The following VTI1A variants were observed in gnomAD, a reference collection of about 807,000 sequenced individuals.
VTI1A encodes the protein vesicle transport through interaction with t-SNAREs 1A, also known as vesicle transport through interaction with t-SNAREs homolog 1A.
VTI1A carries 22 observed loss-of-function variants against 34.9 expected under a neutral mutation model. The observed-to-expected ratio is 0.63, with a 90% CI of 0.45 to 0.90. The LOEUF (loss-of-function observed/expected upper bound fraction) is 0.90, where lower values mean the gene tolerates loss of function less well. VTI1A is among the 40% of genes least tolerant of loss of function. The pLI is 0.00. For missense variants in VTI1A, 268 were observed against 275.6 expected (o/e 0.97, Z 0.20); for synonymous variants, 87 against 97.3 (o/e 0.89, Z 0.62).
chr10:112,602,434 G>A (rs1175411961), intron 5 of VTI1A, among the ~76,000 whole-genome samples: 2 of 152,278 alleles, frequency 1.3e-5, no homozygotes. Flanking sequence ...AATAATACTA[G>A]CTCAGAAAAT....
At chr10:112,467,038 C>G (rs937890696) in intron 3 of VTI1A, among the ~76,000 whole-genome samples, 1 of 152,166 alleles carries the variant, frequency 6.6e-6, no homozygotes, top group African/African-American at 2.4e-5. Context: ...TTTGAAGACC[C>G]TATCTCTGGA....
At chr10:112,779,371 C>T (rs980051024) in intron 7 of VTI1A, among the ~76,000 whole-genome samples, 11 of 152,146 alleles carry the variant, frequency 7.2e-5, no homozygotes, top group Admixed American at 3.9e-4. Flanking sequence ...TAAGAGGAGA[C>T]TAGATTTTGA....
At chr10:112,546,204 TACACACACAC>T (rs140142571) in intron 5 of VTI1A, among the ~76,000 whole-genome samples, 1 of 136,182 alleles carries the variant, frequency 7.3e-6, no homozygotes, top group Non-Finnish European at 1.6e-5. Flanking sequence ...TATATATGCA[TACACACACAC>T]ACACACACAC....
At chr10:112,606,356 G>A (rs1338773361) in intron 5 of VTI1A, among the ~76,000 whole-genome samples, 2 of 152,118 alleles carry the variant, frequency 1.3e-5, no homozygotes, top group East Asian at 3.9e-4. Context: ...ACTCTTACCA[G>A]CTTGAGCATC....
intron 1 of VTI1A, among the ~76,000 whole-genome samples, chr10:112,456,872 C>T (rs561997052): frequency 6.6e-6 from 1 of 152,320 alleles, no homozygotes; most frequent in South Asian, 2.1e-4. Flanking sequence ...CTGTAAGTTC[C>T]TATTTCCTTG....
At chr10:112,596,159 T>A in intron 5 of VTI1A, among the ~76,000 whole-genome samples, 1 of 146,236 alleles carries the variant, frequency 6.8e-6, no homozygotes, top group African/African-American at 2.6e-5. Flanking sequence ...CTGGGGACTG[T>A]TGTGGGGTGG....
intron 5 of VTI1A, among the ~76,000 whole-genome samples, chr10:112,601,137 G>A (rs1844860669): frequency 6.6e-6 from 1 of 152,086 alleles, no homozygotes; most frequent in Non-Finnish European, 1.5e-5. Flanking sequence ...GAGTGGGAGA[G>A]GTCATCTTTG....
chr10:112,475,475 A>G (rs1016826587), intron 3 of VTI1A, among the ~76,000 whole-genome samples: 1 of 152,204 alleles, frequency 6.6e-6, no homozygotes, highest in Non-Finnish European at 1.5e-5. Context: ...AATTATAGCT[A>G]TGTTACCATT....
rs77896651 is a variant in VTI1A, at chr10:112,698,933, G to A, written c.560+29935G>A. Reference sequence around the variant, plus strand: ...GTCCACCAGAGAAGAAAATCCTCGCGGAGATGACCACAGCTGTGGTCCTCC... The same window carrying A: ...GTCCACCAGAGAAGAAAATCCTCGCAGAGATGACCACAGCTGTGGTCCTCC... On this transcript the variant is annotated intron_variant, in intron 7 of 7. Transcript: ENST00000393077. 2.7e-3 allele frequency among the ~76,000 whole-genome samples: 413 copies of A among 152,204 alleles called. 2 individuals carry two copies. The highest frequency in any genetic ancestry group is 9.2e-3 in the African/African-American group (382 of 41,508).
At chr10:112,513,366 T>A (rs1849677534) in intron 3 of VTI1A, among the ~76,000 whole-genome samples, 1 of 152,222 alleles carries the variant, frequency 6.6e-6, no homozygotes, top group South Asian at 2.1e-4. Context: ...GAAACACTAT[T>A]GATTTTTGTA....
At chr10:112,828,540 G>GGACT in the VTI1A span, among the ~76,000 whole-genome samples, 1 of 151,758 alleles carries the variant, frequency 6.6e-6, no homozygotes, top group Non-Finnish European at 1.5e-5. Context: ...CAAGTAGCTG[G>GGACT]GACTACAGGC....
At chr10:112,852,216 A>G in the VTI1A span, among the ~76,000 whole-genome samples, 2 of 152,190 alleles carry the variant, frequency 1.3e-5, no homozygotes, top group East Asian at 3.8e-4. Context: ...TAGATAAAGT[A>G]TACTGTGGCT....
intron 7 of VTI1A, among the ~76,000 whole-genome samples, chr10:112,742,430 T>C (rs933922184): frequency 1.3e-5 from 2 of 152,222 alleles, no homozygotes; most frequent in East Asian, 3.8e-4. Context: ...AATAAGAGTT[T>C]TGAGCCTGAA....
chr10:112,829,337 G>A, the VTI1A span, among the ~76,000 whole-genome samples: 8 of 152,018 alleles, frequency 5.3e-5, no homozygotes, highest in African/African-American at 9.7e-5. Flanking sequence ...CCAGCTACTC[G>A]GGAGGCTGAG....
chr10:112,546,147 G>A (rs758625263), intron 5 of VTI1A, among the ~76,000 whole-genome samples: 12 of 149,734 alleles, frequency 8.0e-5, no homozygotes, highest in South Asian at 2.1e-4. Flanking sequence ...ATGTGTGTGC[G>A]TATATATGTG....
intron 5 of VTI1A, among the ~76,000 whole-genome samples, chr10:112,606,889 C>T (rs1215155636): frequency 2.0e-5 from 3 of 152,170 alleles, no homozygotes; most frequent in South Asian, 2.1e-4. Context: ...ACAGCTACCA[C>T]GTAGTATTAA....
At chr10:112,803,043 G>A (rs917038915) in intron 7 of VTI1A, among the ~76,000 whole-genome samples, 10 of 152,008 alleles carry the variant, frequency 6.6e-5, no homozygotes, top group Non-Finnish European at 1.2e-4. Flanking sequence ...TTTCCCAGTC[G>A]TCCCATGCCC....
At chr10:112,784,824 G>A (rs1284381775) in intron 7 of VTI1A, among the ~76,000 whole-genome samples, 2 of 152,116 alleles carry the variant, frequency 1.3e-5, no homozygotes, top group Non-Finnish European at 2.9e-5. Flanking sequence ...TGGAGTATAT[G>A]GGGAAAGCAT....
intron 7 of VTI1A, among the ~76,000 whole-genome samples, chr10:112,726,878 C>A (rs1218296185): frequency 6.6e-6 from 1 of 152,154 alleles, no homozygotes; most frequent in Non-Finnish European, 1.5e-5. Flanking sequence ...TTTCAAATCA[C>A]TCCACTCAAC....
Sources: gnomAD v4.1 joint callset for allele counts (sites outside exome capture counted in the v4.1 genomes callset) on GRCh38, gnomAD v4.1.1 for gene constraint, MANE v1.5 for transcripts, NCBI Gene and HGNC (gene_info 2026-07-23, HGNC 2026-07-21) for gene names.